Variants in TMEM255A observed in about 807,000 individuals in gnomAD.
TMEM255A encodes family with sequence similarity 70, member A.
A neutral mutation model predicts 23.5 loss-of-function variants in TMEM255A; 14 were observed. That is an observed-to-expected ratio of 0.60 (90% CI 0.39 to 0.93). The LOEUF (loss-of-function observed/expected upper bound fraction) is 0.93. Among genes scored for constraint, TMEM255A ranks in the 40% least tolerant of loss-of-function variants. The pLI, the probability that TMEM255A is intolerant of heterozygous loss-of-function variation, is 0.00. For missense variants in TMEM255A, 233 were observed against 261.7 expected, an observed-to-expected ratio of 0.89 and a Z score of 0.76; for synonymous variants, 104 against 100.3, an observed-to-expected ratio of 1.04 and a Z score of -0.22.
chrX:120,277,746 AC>A (rs2057809316), intron 6 of TMEM255A, among the ~76,000 whole-genome samples: 1 of 112,305 alleles, frequency 8.9e-6, no homozygotes, highest in East Asian at 2.8e-4. Flanking sequence ...AAACAAAAAA[AC>A]AAACAAATAA....
chrX:120,286,076 C>G (rs931346688), intron 5 of TMEM255A: 11 of 343,660 alleles, frequency 3.2e-5, no homozygotes, highest in Non-Finnish European at 4.8e-5. Flanking sequence ...TTCTATTCCT[C>G]CTATCTAACC....
downstream of TMEM255A, chrX:120,254,504 A>G (rs1257362407): frequency 8.3e-7 from 1 of 1,211,868 alleles, no homozygotes; most frequent in Non-Finnish European, 1.1e-6. Flanking sequence ...ATACCTCCCA[A>G]AATACCAGTT....
At chrX:120,256,459 T>C (rs1415369455), downstream of TMEM255A, 3 of 122,550 alleles carry the variant, frequency 2.4e-5, no homozygotes, top group Non-Finnish European at 5.7e-5. Context: ...TTATTTGAAA[T>C]AGTTGAATCA....
At chrX:120,300,193 A>T (rs1556025663) in intron 2 of TMEM255A, among the ~76,000 whole-genome samples, 4 of 111,153 alleles carry the variant, frequency 3.6e-5, no homozygotes, top group Non-Finnish European at 7.5e-5. Flanking sequence ...GAGGAGGTGT[A>T]CCGGGAAGCA....
chrX:120,293,879 A>G (rs1222943272), intron 3 of TMEM255A, 110 bp downstream of exon 3: 2 of 527,272 alleles, frequency 3.8e-6, no homozygotes, highest in Non-Finnish European at 3.1e-6. Context: ...GCAAAGTAGC[A>G]GTTCCTTTTA....
intron 4 of TMEM255A, among the ~76,000 whole-genome samples, chrX:120,289,289 A>G (rs782509453): frequency 1.4e-4 from 16 of 112,122 alleles, no homozygotes; most frequent in Admixed American, 1.1e-3. Context: ...CTTGAGTCAA[A>G]TGCTGTACTG....
intron 8 of TMEM255A, among the ~76,000 whole-genome samples, chrX:120,263,542 T>C (rs2057694579): frequency 9.0e-6 from 1 of 111,528 alleles, no homozygotes; most frequent in Non-Finnish European, 1.9e-5. Flanking sequence ...CGTCAGGGCA[T>C]GCTTCTCTCC....
intron 1 of TMEM255A, among the ~76,000 whole-genome samples, chrX:120,310,680 TC>T (rs1184281700): frequency 9.5e-5 from 1 of 10,558 alleles, no homozygotes; most frequent in Admixed American, 1.1e-3. Flanking sequence ...CCTCCCCTCA[TC>T]CCCCCCTTTC....
chrX:120,268,440 G>T, intron 7 of TMEM255A, 53 bp from the exon 8 acceptor site: 1 of 1,008,828 alleles, frequency 9.9e-7, no homozygotes, highest in Non-Finnish European at 1.3e-6. Flanking sequence ...CTAGGAGAAT[G>T]GTTAAATAAA....
chrX:120,291,922 A>G lies in TMEM255A; in HGVS notation c.265-582T>C, dbSNP rs147907026. On this transcript the variant is annotated intron_variant, in intron 3 of 8. Transcript: ENST00000371369. ...TGACCTTCTGCAACACTGAAGAAAC[A>G]GGACATTCAACTTAAGACTTACATG... Among the ~76,000 whole-genome samples, 94 of 111,186 alleles carry G rather than the reference A, an allele frequency of 8.5e-4. No homozygotes were observed. The East Asian group carries it at 0.022, about 26-fold the overall frequency.
At chrX:120,302,221 T>A (rs2058037557) in intron 2 of TMEM255A, among the ~76,000 whole-genome samples, 1 of 111,081 alleles carries the variant, frequency 9.0e-6, no homozygotes, top group Admixed American at 9.5e-5. Flanking sequence ...CTTCCTTTGT[T>A]AACGTATTCC....
In TMEM255A at chrX:120,285,176, G is replaced by A. The variant is rs782182385; in HGVS notation, c.463C>T (p.Arg155Cys). The A allele has an allele frequency of 2.5e-6, 3 of 1,211,580 alleles. No homozygotes were observed. The highest frequency in any genetic ancestry group is 1.8e-5 in the South Asian group (1 of 56,975). Reference protein sequence around the residue: ...PHLSREFCTPRIRGNTCFCCD... With the variant: ...PHLSREFCTPCIRGNTCFCCD... ...CAGAAGCAGGTGTTGCCCCGGATGC[G>A]AGGTGTGCAGAATTCACGGCTGAGG... The change falls in exon 6 of 9, where the codon CGC becomes TGC. Residue 155 changes from arginine to cysteine, a missense_variant. Physicochemically the swap from Arg to Cys is radical, Grantham distance 180 (BLOSUM62 -3). Coordinates refer to ENST00000371369, the MANE Select transcript of TMEM255A (RefSeq NM_001104544.3).
chrX:120,291,262 C>T lies in TMEM255A; in HGVS notation c.343G>A (p.Ala115Thr). ...CCAIVDGVFA[A>T]RHIDLKPLYA... is the part of the protein sequence containing the mutation. ...GAAAAAATACTCACAATGTGTCTGG[C>T]AGCAAAGACCCCGTCAACTATGGCA... The change falls in exon 4 of 9, where the codon GCC becomes ACC. Residue 115 changes from alanine to threonine, a missense_variant. By Grantham distance (58) the Ala-to-Thr change is moderately conservative (BLOSUM62 0). Transcript: ENST00000371369. 1.7e-6 allele frequency: 2 copies of T among 1,207,709 alleles called. No homozygotes were observed. Among genetic ancestry groups the T allele is most frequent in the Non-Finnish European group, 2.2e-6 (2 of 892,784 alleles).
At chrX:120,278,466 C>T (rs140646186) in intron 6 of TMEM255A, among the ~76,000 whole-genome samples, 3,320 of 112,029 alleles carry the variant, frequency 0.03, 138 homozygotes, top group African/African-American at 0.1. Context: ...CCAACTTGAA[C>T]GTGAGCTCCA....
chrX:120,298,168 C>T (rs2058009702), intron 2 of TMEM255A, among the ~76,000 whole-genome samples: 1 of 111,136 alleles, frequency 9.0e-6, no homozygotes, highest in South Asian at 3.8e-4. Context: ...AGGCTGGACT[C>T]TTGTCACCTA....
chrX:120,279,087 T>C (rs1452935743), intron 6 of TMEM255A, among the ~76,000 whole-genome samples: 1 of 112,390 alleles, frequency 8.9e-6, no homozygotes, highest in Non-Finnish European at 1.9e-5. Flanking sequence ...AACAAGTTCA[T>C]CAATGTTTGA....
chrX:120,298,526 T>C (rs2058013066), intron 2 of TMEM255A, among the ~76,000 whole-genome samples: 2 of 112,014 alleles, frequency 1.8e-5, no homozygotes, highest in Admixed American at 1.9e-4. Context: ...TAAAAATCCA[T>C]GTTTTATTAT....
At position 120,276,907 on chromosome X, in the gene TMEM255A, A is replaced by G; in HGVS notation, c.653T>C (p.Val218Ala). ...TACCATGTCCTTAAAGCCTCCAAGG[A>G]CAGCGGCAGTGATGATGCCCAGGAA... is the stretch of plus-strand genomic sequence containing the variant. ...GLFLGIITAA[V>A]LGGFKDMNPT... is the part of the protein sequence containing the mutation. Residue 218 changes from valine (V) to alanine (A), a missense_variant, in exon 7 of 9, where the codon GTC becomes GCC. Coordinates refer to ENST00000371369, the MANE Select transcript of TMEM255A (RefSeq NM_001104544.3). 3 of 1,211,626 alleles carry G rather than the reference A, an allele frequency of 2.5e-6. No homozygotes were observed. Among genetic ancestry groups the G allele is most frequent in the Non-Finnish European group, 3.4e-6 (3 of 895,305 alleles).
intron 2 of TMEM255A, among the ~76,000 whole-genome samples, chrX:120,298,426 G>GT (rs1390088304): frequency 1.3e-4 from 14 of 108,349 alleles, no homozygotes; most frequent in Admixed American, 2.0e-4. Context: ...ATAAAAAAGT[G>GT]TTTTTTTTTC....
Sources: gnomAD v4.1 joint callset for allele counts (sites outside exome capture counted in the v4.1 genomes callset) on GRCh38, gnomAD v4.1.1 for gene constraint, MANE v1.5 for transcripts, NCBI Gene and HGNC (gene_info 2026-07-23, HGNC 2026-07-21) for gene names.